JADE2: variants seen among roughly 807,000 people sequenced by gnomAD.
The protein encoded by JADE2 is E3 ubiquitin-protein ligase Jade-2.
Under a neutral mutation model 85.7 loss-of-function variants are expected in JADE2, and 13 were observed. The ratio of observed to expected loss-of-function variants is 0.15; its 90% CI spans 0.10 to 0.24. The LOEUF is 0.24. Among genes scored for constraint, JADE2 ranks in the 10% least tolerant of loss-of-function variants. The pLI, the probability that JADE2 is intolerant of heterozygous loss-of-function variation, is 1.00. For synonymous variants in JADE2, 440 were observed against 456.1 expected, an observed-to-expected ratio of 0.96 and a Z score of 0.45; for missense variants, 846 against 1,115.9, an observed-to-expected ratio of 0.76 and a Z score of 3.45.
rs759144936 is a variant in JADE2, at chr5:134,560,820, G to T, written c.547G>T (p.Ala183Ser). The T allele has an allele frequency of 6.2e-7, 1 of 1,614,214 alleles. No individual in the cohort carries two copies. Among genetic ancestry groups the T allele is most frequent in the Non-Finnish European group, 8.5e-7 (1 of 1,180,028 alleles). The change falls in exon 6 of 12, where the codon GCC becomes TCC. Residue 183 changes from alanine (A) to serine (S), a missense_variant. This residue lies in a region of JADE2 where 129 missense variants were observed against 255.4 expected (regional missense o/e 0.51). Transcript: ENST00000681547. Reference sequence around the variant, plus strand: ...GGAGACCCTGTGCCACCAGAATATGGCCAGGGCCATTGAGACGCAGGAGGG... The same window carrying T: ...GGAGACCCTGTGCCACCAGAATATGTCCAGGGCCATTGAGACGCAGGAGGG... ...ELETLCHQNMARAIETQEGLG... is the reference protein window; with the variant it reads ...ELETLCHQNMSRAIETQEGLG...
chr5:134,577,659 C>G (rs528381588), intron 11 of JADE2, among the ~76,000 whole-genome samples: 1 of 152,258 alleles, frequency 6.6e-6, no homozygotes, highest in South Asian at 2.1e-4. Context: ...CCACTGCACT[C>G]CAGCCTGGGT....
Position 134,557,625 on chromosome 5 carries a change from G to A in JADE2, c.312-2205G>A, listed in dbSNP as rs1581446213. On this transcript the variant is annotated intron_variant, in intron 4 of 11. Transcript: ENST00000681547. ...AATTCCCACCTATGAGTGAGAATAT[G>A]CGGTGTTTGGTTTTTTGTTCTTGCG... 1.2e-4 allele frequency among the ~76,000 whole-genome samples: 13 copies of A among 108,562 alleles called. 1 individual carries two copies. The South Asian group carries it at 4.4e-3, about 37-fold the overall frequency. 71.2% of individuals were successfully genotyped at this position (108,562 alleles called of 152,430 possible).
intron 10 of JADE2, 35 bp downstream of exon 10, chr5:134,573,797 C>A: frequency 8.0e-7 from 1 of 1,257,346 alleles, no homozygotes; most frequent in Non-Finnish European, 1.2e-6. Flanking sequence ...CGCCACCTCC[C>A]TGTGCCCTCT....
In JADE2 at chr5:134,566,326, A is replaced by C. The variant is rs1763639953; in HGVS notation, c.1180A>C (p.Lys394Gln). 1 of 1,614,022 alleles carries C rather than the reference A, an allele frequency of 6.2e-7. No individual in the cohort carries two copies. Among genetic ancestry groups the C allele is most frequent in the Non-Finnish European group, 8.5e-7 (1 of 1,180,018 alleles). Reference sequence around the variant, plus strand: ...GGACCTGGAAAAGGTGACCCTGCGCAAGCAGCGGCTGCAGCAGCTAGAGGA... The same window carrying C: ...GGACCTGGAAAAGGTGACCCTGCGCCAGCAGCGGCTGCAGCAGCTAGAGGA... ...GEDLEKVTLR[K>Q]QRLQQLEEDF... The change falls in exon 9 of 12, where the codon AAG becomes CAG. Residue 394 changes from lysine (K) to glutamine (Q), a missense_variant. This residue lies in a region of JADE2 where 88 missense variants were observed against 140.6 expected (regional missense o/e 0.63). Transcript: ENST00000681547. The surrounding 1 kb of genome is among the most constrained non-coding windows in gnomAD (Gnocchi z 6.7).
rs1764399371 is a variant in JADE2 at position 134,576,868 on chromosome 5, G to A, written c.1653G>A (p.Ala551=). ...CTGAGAAGAAAGAGAAAGTGAAGGC[G>A]GGGCCTGACTCAGTCCTGGGGCAGC... is the stretch of plus-strand genomic sequence containing the variant. ...GSTEKKEKVK[A]GPDSVLGQLA... is the part of the protein sequence containing the mutation. Residue 551 remains alanine, a synonymous_variant, in exon 11 of 12, where the codon GCG becomes GCA. Coordinates refer to ENST00000681547, the MANE Select transcript of JADE2 (RefSeq NM_001388185.1). The A allele has an allele frequency of 3.2e-6, 5 of 1,548,336 alleles. No individual in the cohort carries two copies. The highest frequency in any genetic ancestry group is 4.4e-6 in the Non-Finnish European group (5 of 1,145,774).
Position 134,539,306 on chromosome 5 carries a change from G to A in JADE2, c.153+1223G>A, listed in dbSNP as rs570707813. On this transcript the variant is annotated intron_variant, in intron 3 of 11. Transcript: ENST00000681547. ...TCTCGACCTCCTGACCTTGTGATCC[G>A]CCCGCCTTGGCCTCCCAAAGTGCTG... Among the ~76,000 whole-genome samples the A allele has an allele frequency of 3.6e-3, 545 of 151,978 alleles. 3 individuals are homozygous for A. Among genetic ancestry groups the A allele is most frequent in the Middle Eastern group, 0.01 (3 of 294 alleles).
At chr5:134,526,963 C>T (rs1386283167) in intron 1 of JADE2, among the ~76,000 whole-genome samples, 1 of 152,176 alleles carries the variant, frequency 6.6e-6, no homozygotes, top group Non-Finnish European at 1.5e-5. Flanking sequence ...CCAACTCTGC[C>T]GGTTCGCGTC....
chr5:134,551,529 C>CTTTT (rs572386911), intron 3 of JADE2, among the ~76,000 whole-genome samples: 1 of 142,958 alleles, frequency 7.0e-6, no homozygotes, highest in East Asian at 2.0e-4. Flanking sequence ...TTGCCTGGCC[C>CTTTT]TTTTTTTTTT....
intron 9 of JADE2, among the ~76,000 whole-genome samples, chr5:134,571,157 C>T (rs1013317238): frequency 1.3e-5 from 2 of 152,260 alleles, no homozygotes; most frequent in Admixed American, 6.5e-5. Context: ...GCCTCTGCCT[C>T]TGCCAGGTCA....
intron 4 of JADE2, among the ~76,000 whole-genome samples, chr5:134,556,159 G>A (rs1018510986): frequency 6.6e-6 from 1 of 152,204 alleles, no homozygotes; most frequent in Non-Finnish European, 1.5e-5. Flanking sequence ...ACAGCTTCTG[G>A]CAGCCTTGCC....
chr5:134,571,946 C>G lies in JADE2; in HGVS notation c.1435-1699C>G, dbSNP rs150716029. ...TGTCCAAGACGCCTTGCTCAGCACC[C>G]CCAAGTGTGGGTCGGAGCCACCTGG... On this transcript the variant is annotated intron_variant, in intron 9 of 11. Transcript: ENST00000681547. Among the ~76,000 whole-genome samples the G allele has an allele frequency of 4.7e-3, 719 of 152,328 alleles. 10 individuals are homozygous for G. Among genetic ancestry groups the G allele is most frequent in the African/African-American group, 0.017 (686 of 41,572 alleles).
At position 134,566,129 on chromosome 5, in the gene JADE2, C is replaced by T; in HGVS notation, c.983C>T (p.Ser328Phe). Residue 328 changes from serine to phenylalanine, a missense_variant, in exon 9 of 12, where the codon TCC becomes TTC. Transcript: ENST00000681547. This position sits in a 1 kb window ranked among gnomAD's most constrained non-coding sequence, Gnocchi z 6.7. The stretch of plus-strand genomic sequence containing the variant: ...CTTTCCCCTCAGTGTTCCATGCCTT[C>T]CTGCGTCACAGCGTTCCATGTCACA... ...TGTCIQCSMP[S>F]CVTAFHVTCA... 6.2e-7 allele frequency: 1 copy of T among 1,613,238 alleles called. No homozygotes were observed. Among genetic ancestry groups the T allele is most frequent in the Non-Finnish European group, 8.5e-7 (1 of 1,179,390 alleles).
chr5:134,548,971 G>C (rs1176848400), intron 3 of JADE2, among the ~76,000 whole-genome samples: 1 of 152,172 alleles, frequency 6.6e-6, no homozygotes, highest in Non-Finnish European at 1.5e-5. Flanking sequence ...AGCCAGCTAG[G>C]GGCCTCAGAT....
At chr5:134,546,835 G>T (rs1403930046) in intron 3 of JADE2, among the ~76,000 whole-genome samples, 1 of 152,122 alleles carries the variant, frequency 6.6e-6, no homozygotes, top group African/African-American at 2.4e-5. Context: ...AACTGCTGGA[G>T]CTTTTCTCTT....
At chr5:134,564,667 G>A (rs2149987296) in intron 8 of JADE2, 57 bp downstream of exon 8, 2 of 1,126,772 alleles carry the variant, frequency 1.8e-6, no homozygotes, top group Non-Finnish European at 2.5e-6. Context: ...CATGCTTGGG[G>A]CCTCAGACAG....
rs1469976015 is a variant in JADE2, at chr5:134,578,204, T to C, written c.1682-290T>C. 6.6e-6 allele frequency among the ~76,000 whole-genome samples: 1 copy of C among 152,260 alleles called. No individual in the cohort carries two copies. The highest frequency in any genetic ancestry group is 1.5e-5 in the Non-Finnish European group (1 of 68,044). ...GCTATAACACTCCACCTTGAAATTC[T>C]TAATAATATTTGAACAAGGAGCCTA... On this transcript the variant is annotated intron_variant, in intron 11 of 11. Coordinates refer to ENST00000681547, the MANE Select transcript of JADE2 (RefSeq NM_001388185.1). The surrounding 1 kb of genome is among the most constrained non-coding windows in gnomAD (Gnocchi z 4.4).
intron 4 of JADE2, among the ~76,000 whole-genome samples, chr5:134,556,082 G>A (rs1406414791): frequency 6.6e-6 from 1 of 152,100 alleles, no homozygotes; most frequent in African/African-American, 2.4e-5. Context: ...AGGAGCCCTC[G>A]CCACAGCTCT....
intron 8 of JADE2, 56 bp downstream of exon 8, chr5:134,564,666 G>A (rs987008863): frequency 2.6e-6 from 3 of 1,161,272 alleles, no homozygotes; most frequent in Admixed American, 4.9e-5. Flanking sequence ...GCATGCTTGG[G>A]GCCTCAGACA....
rs1405392478 is a variant in JADE2 at position 134,581,856 on chromosome 5, A to T, written c.*2539A>T. 1.3e-5 allele frequency: 2 copies of T among 152,344 alleles called. No individual in the cohort carries two copies. The highest frequency in any genetic ancestry group is 3.8e-4 in the East Asian group (2 of 5,204). The allele number at this position is 152,344 out of a possible 1,614,324, so 9.4% of individuals were successfully genotyped here. On this transcript the variant is annotated 3_prime_UTR_variant, in exon 12 of 12. Coordinates refer to ENST00000681547, the MANE Select transcript of JADE2 (RefSeq NM_001388185.1). The stretch of plus-strand genomic sequence containing the variant: ...AGCTGTCTCCACCTCCAGGATGTCC[A>T]GCAGGCTGCAAGGAGAAGGATGCCA...
Sources: gnomAD v4.1 joint callset for allele counts (sites outside exome capture counted in the v4.1 genomes callset) on GRCh38, gnomAD v4.1.1 for gene constraint, gnomAD v4.1.1 regional missense constraint, Gnocchi (gnomAD v3.1) non-coding constraint, MANE v1.5 for transcripts, NCBI Gene and HGNC (gene_info 2026-07-23, HGNC 2026-07-21) for gene names.